The following RAMP3 variants were observed in gnomAD, a reference collection of about 807,000 sequenced individuals.
RAMP3 encodes receptor activity modifying protein 3, also known as receptor activity-modifying protein 3.
RAMP3 carries 14 observed loss-of-function variants against 13.5 expected under a neutral mutation model. The observed-to-expected ratio is 1.04, with a 90% CI of 0.69 to 1.63. The LOEUF (loss-of-function observed/expected upper bound fraction) is 1.63. RAMP3 is among the 40% of genes most tolerant of loss of function. The pLI is 0.00. For missense variants in RAMP3, 200 were observed against 204.8 expected, an observed-to-expected ratio of 0.98 and a Z score of 0.14; for synonymous variants, 106 against 88.3, an observed-to-expected ratio of 1.20 and a Z score of -1.12.
rs564608800 is a variant in RAMP3 at position 45,179,186 on chromosome 7, A to G, written c.191+1745A>G. Among the ~76,000 whole-genome samples the G allele has an allele frequency of 2.6e-5, 4 of 152,304 alleles. No individual in the cohort carries two copies. The South Asian group carries it at 8.3e-4, about 32-fold the overall frequency. Reference sequence around the variant, plus strand: ...CGGCTGATACGCATTATCTTTTGCCACTGGGTCCAGGAGGGTGGTCTAGGG... The same window carrying G: ...CGGCTGATACGCATTATCTTTTGCCGCTGGGTCCAGGAGGGTGGTCTAGGG... On this transcript the variant is annotated intron_variant, in intron 2 of 2. Transcript: ENST00000242249.
rs551392424 is a variant in RAMP3, at chr7:45,183,992, C to T, written c.*580C>T. On this transcript the variant is annotated 3_prime_UTR_variant, in exon 3 of 3. Transcript: ENST00000242249. The stretch of plus-strand genomic sequence containing the variant: ...AGGAGAAGGGAGGGGCTGGGGGTTC[C>T]CAGGAGCCATGCGTGGCCTGCAGAG... The T allele has an allele frequency of 1.5e-4, 60 of 413,316 alleles. 1 individual carries two copies. The highest frequency in any genetic ancestry group is 1.2e-3 in the African/African-American group (58 of 49,160). The allele number at this position is 413,316 out of a possible 1,614,324, so 25.6% of individuals were successfully genotyped here.
intron 1 of RAMP3, among the ~76,000 whole-genome samples, chr7:45,172,717 G>T (rs1470289944): frequency 2.6e-5 from 4 of 152,172 alleles, no homozygotes; most frequent in Non-Finnish European, 4.4e-5. Flanking sequence ...GTTGATTTTT[G>T]ATTGTGAGCT....
At chr7:45,174,630 A>T (rs1460225534) in intron 1 of RAMP3, among the ~76,000 whole-genome samples, 1 of 151,970 alleles carries the variant, frequency 6.6e-6, no homozygotes, top group African/African-American at 2.4e-5. Context: ...CCCGCCACTG[A>T]CATCGGAGCT....
chr7:45,161,697 C>T (rs977226013), intron 1 of RAMP3, among the ~76,000 whole-genome samples: 4 of 137,466 alleles, frequency 2.9e-5, no homozygotes, highest in African/African-American at 8.4e-5. Flanking sequence ...GAGGGGGAGG[C>T]AGAGGAGGAA....
intron 1 of RAMP3, among the ~76,000 whole-genome samples, chr7:45,167,169 G>A (rs1039369458): frequency 6.6e-6 from 1 of 152,082 alleles, no homozygotes; most frequent in Admixed American, 6.6e-5. Flanking sequence ...GTGTTAGCTA[G>A]GATGGTCTCG....
At chr7:45,167,751 T>C (rs1013016636) in intron 1 of RAMP3, among the ~76,000 whole-genome samples, 20 of 151,316 alleles carry the variant, frequency 1.3e-4, no homozygotes, top group African/African-American at 4.6e-4. Flanking sequence ...CACGCCCGGG[T>C]AATTTTGTAT....
chr7:45,173,341 T>G (rs1786116189), intron 1 of RAMP3, among the ~76,000 whole-genome samples: 1 of 152,242 alleles, frequency 6.6e-6, no homozygotes, highest in Non-Finnish European at 1.5e-5. Context: ...ATAAGCCTTT[T>G]ACAAAATCCA....
chr7:45,182,773 T>A (rs1236803680), intron 2 of RAMP3, among the ~76,000 whole-genome samples: 1 of 152,120 alleles, frequency 6.6e-6, no homozygotes, highest in Non-Finnish European at 1.5e-5. Flanking sequence ...TCCTGGATGA[T>A]GAAGGCTTTG....
At chr7:45,174,431 T>C (rs537626126) in intron 1 of RAMP3, among the ~76,000 whole-genome samples, 3 of 152,254 alleles carry the variant, frequency 2.0e-5, no homozygotes, top group African/African-American at 7.2e-5. Context: ...CTCTGGGCCA[T>C]TGACTGGTAT....
chr7:45,159,327 G>A (rs988888412), intron 1 of RAMP3, among the ~76,000 whole-genome samples: 1 of 152,212 alleles, frequency 6.6e-6, no homozygotes, highest in Admixed American at 6.5e-5. Flanking sequence ...GTCCCAGGCC[G>A]ATGTGTCAGA....
At position 45,176,458 on chromosome 7, in the gene RAMP3, C is replaced by T. The variant is rs138952268; in HGVS notation, c.59-851C>T. Among the ~76,000 whole-genome samples, 8 of 152,128 alleles carry T rather than the reference C, an allele frequency of 5.3e-5. No individual in the cohort carries two copies. The East Asian group carries it at 1.5e-3, about 29-fold the overall frequency. On this transcript the variant is annotated intron_variant, in intron 1 of 2. Coordinates refer to ENST00000242249, the MANE Select transcript of RAMP3 (RefSeq NM_005856.3). ...GGCTGTGCGTGCACACACACACACACACCCGAGACACATATGCCTGGGGTC... is the reference window on the plus strand; with the variant it reads ...GGCTGTGCGTGCACACACACACACATACCCGAGACACATATGCCTGGGGTC...
At chr7:45,173,056 C>A (rs1024397404) in intron 1 of RAMP3, among the ~76,000 whole-genome samples, 2 of 152,220 alleles carry the variant, frequency 1.3e-5, no homozygotes, top group African/African-American at 4.8e-5. Context: ...CATTAGACTT[C>A]TCATCTTGGC....
intron 1 of RAMP3, among the ~76,000 whole-genome samples, chr7:45,169,544 A>G (rs1378504498): frequency 1.3e-5 from 2 of 152,314 alleles, no homozygotes; most frequent in East Asian, 1.9e-4. Context: ...AAGTACCATA[A>G]TCTGGGTGAC....
rs139937439 is a variant in RAMP3, at chr7:45,182,817, G to A, written c.192-340G>A. 4.4e-3 allele frequency among the ~76,000 whole-genome samples: 677 copies of A among 152,300 alleles called. 2 individuals are homozygous for A. Among genetic ancestry groups the A allele is most frequent in the African/African-American group, 0.015 (640 of 41,564 alleles). On this transcript the variant is annotated intron_variant, in intron 2 of 2. Transcript: ENST00000242249. ...AGCGGCTGTGATCCAGGCACCCTTTGGCCCTGGAGAAGCATGGCTTGGTGT... is the reference window on the plus strand; with the variant it reads ...AGCGGCTGTGATCCAGGCACCCTTTAGCCCTGGAGAAGCATGGCTTGGTGT...
At chr7:45,182,016 C>A (rs141315607) in intron 2 of RAMP3, among the ~76,000 whole-genome samples, 1 of 152,154 alleles carries the variant, frequency 6.6e-6, no homozygotes, top group Non-Finnish European at 1.5e-5. Flanking sequence ...ACCAGGAGAA[C>A]CCTGGGTGGA....
chr7:45,161,429 C>T (rs1372651530), intron 1 of RAMP3, among the ~76,000 whole-genome samples: 2 of 151,544 alleles, frequency 1.3e-5, no homozygotes, highest in Non-Finnish European at 2.9e-5. Context: ...TGTCCCTGAG[C>T]TGTGTTTCAG....
chr7:45,158,717 C>T (rs1258570273), intron 1 of RAMP3, among the ~76,000 whole-genome samples: 1 of 152,088 alleles, frequency 6.6e-6, no homozygotes, highest in African/African-American at 2.4e-5. Flanking sequence ...CCCCAGTTTC[C>T]CTGGCTGTAA....
At chr7:45,167,940 T>C (rs1786002835) in intron 1 of RAMP3, among the ~76,000 whole-genome samples, 1 of 152,178 alleles carries the variant, frequency 6.6e-6, no homozygotes, top group South Asian at 2.1e-4. Flanking sequence ...CGCTTTTCCA[T>C]AGAAACTTTA....
intron 1 of RAMP3, among the ~76,000 whole-genome samples, chr7:45,162,296 C>A (rs1480223092): frequency 6.6e-6 from 1 of 152,216 alleles, no homozygotes; most frequent in African/African-American, 2.4e-5. Flanking sequence ...ACTCCAGAAT[C>A]TGTTGCAGAG....
Sources: gnomAD v4.1 joint callset for allele counts (sites outside exome capture counted in the v4.1 genomes callset) on GRCh38, gnomAD v4.1.1 for gene constraint, MANE v1.5 for transcripts, NCBI Gene and HGNC (gene_info 2026-07-23, HGNC 2026-07-21) for gene names.